Variants in ARID1B observed in about 807,000 individuals in gnomAD.
The protein encoded by ARID1B is AT-rich interaction domain 1B.
ARID1B carries 30 observed loss-of-function variants against 212.3 expected under a neutral mutation model. That is an observed-to-expected ratio of 0.14 (90% CI 0.11 to 0.19). The LOEUF (loss-of-function observed/expected upper bound fraction) is 0.19. Among genes scored for constraint, ARID1B ranks in the 10% least tolerant of loss-of-function variants. The probability of loss-of-function intolerance (pLI) is 1.00; values close to 1 mark genes in which losing one functional copy is unlikely to be tolerated. For synonymous variants in ARID1B, 1,402 were observed against 1,301.7 expected (o/e 1.08, Z -1.66); for missense variants, 2,891 against 3,204.0 (o/e 0.90, Z 2.36).
intron 2 of ARID1B, among the ~76,000 whole-genome samples, chr6:156,838,153 C>G (rs1194831378): frequency 2.6e-5 from 4 of 151,942 alleles, no homozygotes; most frequent in Admixed American, 2.0e-4. Flanking sequence ...TTTTAAATAA[C>G]TACCAAGCAA....
chr6:157,010,813 C>A (rs71578596), intron 4 of ARID1B, among the ~76,000 whole-genome samples: 1 of 150,726 alleles, frequency 6.6e-6, no homozygotes, highest in African/African-American at 2.5e-5. Context: ...TAGGTGTGAC[C>A]TCTTTTGTTT....
At chr6:156,886,615 G>A (rs927730392) in intron 2 of ARID1B, among the ~76,000 whole-genome samples, 1 of 152,142 alleles carries the variant, frequency 6.6e-6, no homozygotes, top group Non-Finnish European at 1.5e-5. Flanking sequence ...TGGGAGAGTG[G>A]AGTGAGCACT....
At chr6:157,174,338 G>T in intron 10 of ARID1B, 1 of 460,308 alleles carries the variant, frequency 2.2e-6, no homozygotes, top group Non-Finnish European at 3.9e-6. Context: ...CACGGTTGGG[G>T]GAGAGGGGTG....
intron 16 of ARID1B, among the ~76,000 whole-genome samples, chr6:157,197,460 C>A (rs545095465): frequency 6.6e-6 from 1 of 152,322 alleles, no homozygotes; most frequent in East Asian, 1.9e-4. Context: ...ACGGCTTTAC[C>A]AAATGAGGTT....
intron 4 of ARID1B, among the ~76,000 whole-genome samples, chr6:157,040,264 A>G (rs980412206): frequency 2.0e-5 from 3 of 152,200 alleles, no homozygotes; most frequent in South Asian, 2.1e-4. Flanking sequence ...ATAAAGGTCT[A>G]GGTATTCAGC....
At chr6:156,994,643 T>G (rs11964328) in intron 4 of ARID1B, among the ~76,000 whole-genome samples, 2 of 152,318 alleles carry the variant, frequency 1.3e-5, no homozygotes, top group South Asian at 4.1e-4. Context: ...ACGCCCATTA[T>G]GGGCAACCTG....
At chr6:156,790,221 A>G (rs1341666625) in intron 1 of ARID1B, among the ~76,000 whole-genome samples, 1 of 152,242 alleles carries the variant, frequency 6.6e-6, no homozygotes, top group Non-Finnish European at 1.5e-5. Context: ...TTTATAATTG[A>G]AGAATTTAAT....
intron 1 of ARID1B, among the ~76,000 whole-genome samples, chr6:156,814,646 G>C (rs1278135313): frequency 1.3e-5 from 2 of 152,144 alleles, no homozygotes; most frequent in East Asian, 1.9e-4. Context: ...ATGAGCTTGC[G>C]GGAGAGATGG....
chr6:157,173,806 TAGATAAAAAAGGA>T, intron 9 of ARID1B, 189 bp from the exon 10 acceptor site: 1 of 487,190 alleles, frequency 2.1e-6, no homozygotes, highest in Non-Finnish European at 3.6e-6. Context: ...CCCTTTTTTT[TAGATAAAAAAGGA>T]TTTTGCCAGA....
chr6:156,945,773 A>G (rs115472535), intron 4 of ARID1B, among the ~76,000 whole-genome samples: 2,344 of 152,336 alleles, frequency 0.015, 59 homozygotes, highest in African/African-American at 0.053. Flanking sequence ...TTGGAAAGCC[A>G]TGAGTGGGCA....
chr6:156,810,411 G>C (rs1781476941), intron 1 of ARID1B, among the ~76,000 whole-genome samples: 1 of 152,180 alleles, frequency 6.6e-6, no homozygotes, highest in Non-Finnish European at 1.5e-5. Context: ...GGAGGTTGAG[G>C]AACTTGCCTC....
intron 1 of ARID1B, among the ~76,000 whole-genome samples, chr6:156,807,143 C>T (rs114676727): frequency 0.016 from 2,316 of 145,372 alleles, 59 homozygotes; most frequent in African/African-American, 0.055. Context: ...TGTGCACCCC[C>T]CCACGCCCCA....
At chr6:156,816,413 G>A (rs964373419) in intron 1 of ARID1B, among the ~76,000 whole-genome samples, 4 of 152,294 alleles carry the variant, frequency 2.6e-5, no homozygotes, top group African/African-American at 9.6e-5. Context: ...AGAAATAATA[G>A]CAATAATGGT....
chr6:156,914,976 A>G (rs143284744), intron 3 of ARID1B, among the ~76,000 whole-genome samples: 10 of 152,294 alleles, frequency 6.6e-5, no homozygotes, highest in East Asian at 1.9e-4. Context: ...TTTTGTCATT[A>G]TGTCCCCAGC....
intron 7 of ARID1B, among the ~76,000 whole-genome samples, chr6:157,146,691 G>C (rs1478210149): frequency 4.6e-5 from 7 of 152,192 alleles, no homozygotes; most frequent in Admixed American, 4.6e-4. Flanking sequence ...AGCTTCTCGA[G>C]TGCAAGAACT....
In ARID1B at chr6:156,778,887, AGCGGAGGAG is replaced by A. The variant is rs1562377478; in HGVS notation, c.1209_1217del (p.Ser403_Gly406delinsArg). On this transcript the variant is annotated inframe_deletion, in exon 1 of 20. Transcript: ENST00000636930. The stretch of plus-strand genomic sequence containing the variant: ...CGGCGGCGGCGGAGGAGGAGGAGGC[AGCGGAGGAG>A]GAGGAGGAGGAGGAGGAGCAGGAGC... 2 of 1,364,800 alleles carry A rather than the reference AGCGGAGGAG, an allele frequency of 1.5e-6. No homozygotes were observed. Among genetic ancestry groups the A allele is most frequent in the South Asian group, 1.7e-5 (1 of 58,198 alleles). 84.5% of individuals were successfully genotyped at this position (1,364,800 alleles called of 1,614,324 possible). A position where few individuals can be genotyped will look rare whatever the true frequency, so the allele number is the denominator to read the frequency against.
At position 156,874,449 on chromosome 6, in the gene ARID1B, G is replaced by A. The variant is rs562688826; in HGVS notation, c.1987-26927G>A. Among the ~76,000 whole-genome samples, 58 of 152,302 alleles carry A rather than the reference G, an allele frequency of 3.8e-4. 1 individual carries two copies. Among genetic ancestry groups the A allele is most frequent in the Admixed American group, 1.2e-3 (18 of 15,298 alleles). ...TCACTGACTATCAGCTGTATGCTGT[G>A]GGAATCTCTCACCTGTAGAGTGAAG... On this transcript the variant is annotated intron_variant, in intron 2 of 19. Transcript: ENST00000636930.
intron 4 of ARID1B, among the ~76,000 whole-genome samples, chr6:156,946,083 G>A (rs189336144): frequency 4.4e-4 from 67 of 151,852 alleles, no homozygotes; most frequent in South Asian, 3.9e-3. Context: ...TGGGCCAGGC[G>A]TGGTGGCTCA....
chr6:157,209,188 AT>A lies in ARID1B; in HGVS notation c.*1298del, dbSNP rs1794661023. Reference sequence around the variant, plus strand: ...TCCTCCTTTTCCTCTGGCTTAATGAATATCATTTATTCAGTATAAAATCTTT... The same window carrying A: ...TCCTCCTTTTCCTCTGGCTTAATGAAATCATTTATTCAGTATAAAATCTTT... On this transcript the variant is annotated 3_prime_UTR_variant, in exon 20 of 20. Coordinates refer to ENST00000636930, the MANE Select transcript of ARID1B (RefSeq NM_001374828.1). The A allele has an allele frequency of 4.3e-6, 1 of 230,782 alleles. No homozygotes were observed. The highest frequency in any genetic ancestry group is 5.7e-5 in the Admixed American group (1 of 17,688). The allele number at this position is 230,782 out of a possible 1,614,324, so 14.3% of individuals were successfully genotyped here. A position where few individuals can be genotyped will look rare whatever the true frequency, so the allele number is the denominator to read the frequency against.
Sources: allele counts gnomAD v4.1 joint callset (sites outside exome capture counted in the v4.1 genomes callset), GRCh38; gene constraint gnomAD v4.1.1; transcripts MANE v1.5; gene names NCBI Gene and HGNC (gene_info 2026-07-23, HGNC 2026-07-21).